IL1RAPL2: variants seen among roughly 807,000 people sequenced by gnomAD.
IL1RAPL2 encodes the protein X-linked interleukin-1 receptor accessory protein-like 2.
In IL1RAPL2, 3 loss-of-function variants were observed where a neutral mutation model predicts 44.1. The observed-to-expected ratio is 0.07, with a 90% CI of 0.03 to 0.18. IL1RAPL2 has a LOEUF of 0.18. Among genes scored for constraint, IL1RAPL2 ranks in the 10% least tolerant of loss-of-function variants. The pLI is 1.00. For missense variants in IL1RAPL2, 391 were observed against 496.4 expected (o/e 0.79, Z 2.02); for synonymous variants, 181 against 178.8 (o/e 1.01, Z -0.10).
intron 2 of IL1RAPL2, among the ~76,000 whole-genome samples, chrX:105,002,761 T>C (rs776266064): frequency 8.1e-4 from 89 of 109,855 alleles, no homozygotes; most frequent in Non-Finnish European, 1.5e-3. Context: ...AGATTCTAAA[T>C]TAAGGCCTTT....
chrX:104,845,798 T>G (rs1469128394), intron 2 of IL1RAPL2, among the ~76,000 whole-genome samples: 1 of 112,084 alleles, frequency 8.9e-6, no homozygotes, highest in Non-Finnish European at 1.9e-5. Flanking sequence ...GAAGATATTT[T>G]TCTGAAAGAC....
chrX:105,449,589 A>G (rs113848596), intron 5 of IL1RAPL2, among the ~76,000 whole-genome samples: 1 of 106,990 alleles, frequency 9.3e-6, no homozygotes, highest in Non-Finnish European at 1.9e-5. Flanking sequence ...GTCTCAAAAA[A>G]AAAAAAAATT....
chrX:105,542,916 A>G (rs1479367078), intron 6 of IL1RAPL2, among the ~76,000 whole-genome samples: 2 of 109,654 alleles, frequency 1.8e-5, no homozygotes, highest in African/African-American at 6.6e-5. Context: ...TCAGGATTTA[A>G]ATTCAATCTA....
At chrX:104,793,129 C>A (rs1172427608) in intron 2 of IL1RAPL2, among the ~76,000 whole-genome samples, 1 of 112,211 alleles carries the variant, frequency 8.9e-6, no homozygotes, top group East Asian at 2.8e-4. Flanking sequence ...GTTGGTCCAG[C>A]AGTTAAGGTC....
At chrX:104,891,754 A>G (rs1395074481) in intron 2 of IL1RAPL2, among the ~76,000 whole-genome samples, 2 of 111,613 alleles carry the variant, frequency 1.8e-5, no homozygotes, top group African/African-American at 6.5e-5. Context: ...GAACAACTTG[A>G]CTTCCTCTTT....
intron 2 of IL1RAPL2, among the ~76,000 whole-genome samples, chrX:104,842,518 T>C (rs1408508830): frequency 2.7e-5 from 3 of 112,236 alleles, no homozygotes; most frequent in Non-Finnish European, 5.6e-5. Flanking sequence ...TTCCCTCATC[T>C]TCGTGGATTT....
At chrX:105,311,735 G>C (rs1439018301) in intron 5 of IL1RAPL2, among the ~76,000 whole-genome samples, 1 of 107,796 alleles carries the variant, frequency 9.3e-6, no homozygotes, top group African/African-American at 3.4e-5. Flanking sequence ...TTTTATCCAT[G>C]GTAGTCCCAA....
At chrX:104,718,037 T>C (rs200486131) in intron 2 of IL1RAPL2, among the ~76,000 whole-genome samples, 5 of 111,096 alleles carry the variant, frequency 4.5e-5, no homozygotes, top group Admixed American at 9.6e-5. Context: ...CAAGTCTTTG[T>C]TATTGTGAAT....
At chrX:105,584,364 C>T (rs760452042) in intron 6 of IL1RAPL2, among the ~76,000 whole-genome samples, 2 of 111,674 alleles carry the variant, frequency 1.8e-5, no homozygotes, top group South Asian at 3.7e-4. Flanking sequence ...CCTCCTTTAT[C>T]GCTGATAATA....
intron 2 of IL1RAPL2, among the ~76,000 whole-genome samples, chrX:105,147,593 G>A (rs180846630): frequency 5.5e-4 from 61 of 111,561 alleles, no homozygotes; most frequent in African/African-American, 1.9e-3. Context: ...CATATATGTG[G>A]ACTTTTGTGC....
intron 2 of IL1RAPL2, among the ~76,000 whole-genome samples, chrX:104,776,061 C>T (rs887110807): frequency 7.2e-5 from 8 of 111,874 alleles, no homozygotes; most frequent in African/African-American, 2.6e-4. Flanking sequence ...CCATTGATGT[C>T]CCTTTCCCTT....
At chrX:104,915,890 A>G (rs1224830243) in intron 2 of IL1RAPL2, among the ~76,000 whole-genome samples, 5 of 111,320 alleles carry the variant, frequency 4.5e-5, no homozygotes, top group South Asian at 3.8e-4. Flanking sequence ...GATATGTGGC[A>G]TTATTTCTGA....
chrX:105,159,734 T>G (rs1267231984), intron 2 of IL1RAPL2, among the ~76,000 whole-genome samples: 1 of 112,094 alleles, frequency 8.9e-6, no homozygotes, highest in Non-Finnish European at 1.9e-5. Context: ...GGCTGACTCC[T>G]TCTCTTCACT....
intron 6 of IL1RAPL2, among the ~76,000 whole-genome samples, chrX:105,521,413 C>A (rs925034872): frequency 9.0e-6 from 1 of 111,186 alleles, no homozygotes; most frequent in African/African-American, 3.3e-5. Context: ...TTATTAATGT[C>A]ATTTTCAAGC....
chrX:105,717,623 T>G (rs907703171), intron 7 of IL1RAPL2, 127 bp downstream of exon 7: 11 of 562,548 alleles, frequency 2.0e-5, no homozygotes, highest in Admixed American at 1.6e-4. Flanking sequence ...GATGACTGCC[T>G]TAAGAAATGC....
At chrX:105,210,300 C>T (rs989121983) in intron 3 of IL1RAPL2, among the ~76,000 whole-genome samples, 1 of 111,446 alleles carries the variant, frequency 9.0e-6, no homozygotes, top group Non-Finnish European at 1.9e-5. Flanking sequence ...TTTACTGTCA[C>T]AAAACACAAG....
chrX:104,824,461 A>G (rs1432892875), intron 2 of IL1RAPL2, among the ~76,000 whole-genome samples: 7 of 112,036 alleles, frequency 6.2e-5, no homozygotes, highest in Non-Finnish European at 1.3e-4. Flanking sequence ...TTCAAGGAAT[A>G]GTACCAGCTC....
chrX:105,106,368 G>A (rs1462459953), intron 2 of IL1RAPL2, among the ~76,000 whole-genome samples: 1 of 110,680 alleles, frequency 9.0e-6, no homozygotes, highest in Non-Finnish European at 1.9e-5. Context: ...TACTGGATTG[G>A]CAGCCATGGA....
chrX:105,418,564 G>C (rs962504814), intron 5 of IL1RAPL2, among the ~76,000 whole-genome samples: 1 of 111,727 alleles, frequency 9.0e-6, no homozygotes, highest in African/African-American at 3.3e-5. Context: ...ACTAATTGTT[G>C]CATGTTCTAA....
Sources: gnomAD v4.1 joint callset for allele counts (sites outside exome capture counted in the v4.1 genomes callset) on GRCh38, gnomAD v4.1.1 for gene constraint, MANE v1.5 for transcripts, NCBI Gene and HGNC (gene_info 2026-07-23, HGNC 2026-07-21) for gene names.